The following GCN1 variants were observed in gnomAD, a reference collection of about 807,000 sequenced individuals.
GCN1 encodes the protein stalled ribosome sensor GCN1.
A neutral mutation model predicts 288.4 loss-of-function variants in GCN1; 90 were observed. The observed-to-expected ratio is 0.31, with a 90% CI of 0.26 to 0.37. The LOEUF (loss-of-function observed/expected upper bound fraction) is 0.37. GCN1 is among the 10% of genes least tolerant of loss of function. The probability of loss-of-function intolerance (pLI) is 1.00; values close to 1 mark genes in which losing one functional copy is unlikely to be tolerated. For missense variants in GCN1, 2,586 were observed against 3,419.9 expected, an observed-to-expected ratio of 0.76 and a Z score of 6.08; for synonymous variants, 1,386 against 1,420.2, an observed-to-expected ratio of 0.98 and a Z score of 0.54.
intron 57 of GCN1, 31 bp from the exon 58 acceptor site, chr12:120,128,005 A>AC: frequency 6.2e-7 from 1 of 1,611,550 alleles, no homozygotes; most frequent in Non-Finnish European, 8.5e-7. Context: ...GAGGAAACAT[A>AC]GTCAGAACAT....
chr12:120,194,609 G>C (rs1879111776), intron 1 of GCN1, 71 bp downstream of exon 1: 2 of 1,409,948 alleles, frequency 1.4e-6, no homozygotes, highest in Non-Finnish European at 1.9e-6. Context: ...AGGAGCGAGA[G>C]GGGCCCCGCC....
chr12:120,138,406 C>G lies in GCN1; in HGVS notation c.6166G>C (p.Glu2056Gln). Residue 2056 changes from glutamate (E) to glutamine (Q), a missense_variant, in exon 47 of 58, where the codon GAG becomes CAG. Around this residue, in one of 8 missense-constraint regions of GCN1, gnomAD observed 437 missense variants for 570.5 expected, o/e 0.77. Coordinates refer to ENST00000300648, the MANE Select transcript of GCN1 (RefSeq NM_006836.2). ...PFLLKQLDDE[E>Q]VSEFALDGLK... Reference sequence around the variant, plus strand: ...CCATCCAAGGCAAACTCTGACACCTCCTCGTCATCCTGCAGAGGGTGTTGG... The same window carrying G: ...CCATCCAAGGCAAACTCTGACACCTGCTCGTCATCCTGCAGAGGGTGTTGG... 1 of 1,601,124 alleles carries G rather than the reference C, an allele frequency of 6.2e-7. No individual in the cohort carries two copies. The highest frequency in any genetic ancestry group is 8.6e-7 in the Non-Finnish European group (1 of 1,168,112).
intron 11 of GCN1, 58 bp downstream of exon 11, chr12:120,175,688 G>A (rs1316956936): frequency 2.6e-6 from 4 of 1,552,444 alleles, no homozygotes; most frequent in Non-Finnish European, 3.5e-6. Flanking sequence ...GATCCCAGTT[G>A]AGGGAAATAC....
chr12:120,159,721 C>G (rs551363741), intron 24 of GCN1, 104 bp downstream of exon 24: 1 of 953,308 alleles, frequency 1.0e-6, no homozygotes, highest in African/African-American at 1.6e-5. Flanking sequence ...AACTCAGCAG[C>G]TGAGGTCACC....
intron 53 of GCN1, 137 bp from the exon 54 acceptor site, chr12:120,132,159 G>C: frequency 1.5e-6 from 1 of 646,830 alleles, no homozygotes; most frequent in South Asian, 1.7e-5. Context: ...TCAAGATCCA[G>C]TCCTTCCTGT....
At position 120,144,810 on chromosome 12, in the gene GCN1, C is replaced by G; in HGVS notation, c.5181G>C (p.Leu1727Phe). ...AQGLAEVMAG[L>F]GVEKLEKLMP... is the part of the protein sequence containing the mutation. ...TCAACTTCTCCAACTTCTCCACCCC[C>G]AAACCGGCCATGACCTCAGCCAACC... Residue 1727 changes from leucine to phenylalanine, a missense_variant, in exon 41 of 58, where the codon TTG (leucine) becomes TTC (phenylalanine). Coordinates refer to ENST00000300648, the MANE Select transcript of GCN1 (RefSeq NM_006836.2). The surrounding 1 kb of genome is among the most constrained non-coding windows in gnomAD (Gnocchi z 4.7). 2.5e-6 allele frequency: 4 copies of G among 1,614,204 alleles called. No individual in the cohort carries two copies. The highest frequency in any genetic ancestry group is 3.4e-6 in the Non-Finnish European group (4 of 1,180,030).
intron 33 of GCN1, among the ~76,000 whole-genome samples, chr12:120,152,754 A>C (rs1877608654): frequency 1.3e-5 from 2 of 151,504 alleles, no homozygotes; most frequent in Non-Finnish European, 2.9e-5. Flanking sequence ...TGTAGCTTAG[A>C]GGCTACATTA....
Position 120,137,275 on chromosome 12 carries a change from G to T in GCN1, c.6708C>A (p.His2236Gln). 6.2e-7 allele frequency: 1 copy of T among 1,614,138 alleles called. No homozygotes were observed. The highest frequency in any genetic ancestry group is 2.2e-5 in the East Asian group (1 of 44,870). ...CGTTCCCTATGAGCCGGATTTCCTT[G>T]TGCAGCTCTTCAATGAGTGCCAACT... ...GNQLALIEEL[H>Q]KEIRLIGNES... The change falls in exon 50 of 58, where the codon CAC becomes CAA. Residue 2236 changes from histidine (H) to glutamine (Q), a missense_variant. Coordinates refer to ENST00000300648, the MANE Select transcript of GCN1 (RefSeq NM_006836.2). The surrounding 1 kb of genome is among the most constrained non-coding windows in gnomAD (Gnocchi z 5.2).
chr12:120,189,204 C>T (rs1287211360), intron 2 of GCN1, among the ~76,000 whole-genome samples: 1 of 152,020 alleles, frequency 6.6e-6, no homozygotes, highest in African/African-American at 2.4e-5. Context: ...TCCTGAGTAG[C>T]TAGGATTACA....
intron 24 of GCN1, 83 bp downstream of exon 24, chr12:120,159,742 C>T (rs1470151914): frequency 2.4e-6 from 3 of 1,224,816 alleles, no homozygotes; most frequent in Middle Eastern, 2.4e-4. Flanking sequence ...ACCCACCTCC[C>T]CACAAGCACT....
intron 14 of GCN1, among the ~76,000 whole-genome samples, chr12:120,171,834 C>T (rs1224161322): frequency 6.6e-6 from 1 of 152,196 alleles, no homozygotes; most frequent in African/African-American, 2.4e-5. Context: ...GTCCCACCTA[C>T]AACTGATGGT....
At chr12:120,187,080 C>T (rs1442126286) in intron 2 of GCN1, among the ~76,000 whole-genome samples, 3 of 152,122 alleles carry the variant, frequency 2.0e-5, no homozygotes, top group African/African-American at 4.8e-5. Flanking sequence ...TCACAAATAG[C>T]AAGTTTACAA....
At position 120,131,115 on chromosome 12, in the gene GCN1, G is replaced by C. The variant is rs887834588; in HGVS notation, c.7563+70C>G. The stretch of plus-strand genomic sequence containing the variant: ...TTAAGCCCCAGTCTGGGGTCCACCC[G>C]CGCTGTGTCCACAAGGTGCTGCCTA... On this transcript the variant is annotated intron_variant, in intron 55 of 57. Coordinates refer to ENST00000300648, the MANE Select transcript of GCN1 (RefSeq NM_006836.2). 4.2e-6 allele frequency: 6 copies of C among 1,426,064 alleles called. No homozygotes were observed. In the East Asian group the frequency reaches 1.4e-4, roughly 33 times the overall value. 88.3% of individuals were successfully genotyped at this position (1,426,064 alleles called of 1,614,324 possible). A position where few individuals can be genotyped will look rare whatever the true frequency, so the allele number is the denominator to read the frequency against.
rs781350860 is a variant in GCN1, at chr12:120,138,093, C to A, written c.6250-49G>T. On this transcript the variant is annotated intron_variant, in intron 47 of 57. Transcript: ENST00000300648. ...TCAGTGAATACTGTGCCAGGTGCTG[C>A]GCTAGGCTCTGGGAACAGACGGGTG... 3 of 1,540,008 alleles carry A rather than the reference C, an allele frequency of 1.9e-6. No homozygotes were observed. In the East Asian group the frequency reaches 7.1e-5, roughly 36 times the overall value.
chr12:120,161,041 G>A (rs1169926824), intron 22 of GCN1, among the ~76,000 whole-genome samples: 1 of 152,132 alleles, frequency 6.6e-6, no homozygotes, highest in Non-Finnish European at 1.5e-5. Context: ...AAGAGCAAAC[G>A]CTGAGAAGGA....
intron 2 of GCN1, among the ~76,000 whole-genome samples, chr12:120,186,495 A>G (rs1204370142): frequency 1.3e-5 from 2 of 152,242 alleles, no homozygotes; most frequent in African/African-American, 2.4e-5. Flanking sequence ...TTTAACCTGC[A>G]GTGTAAGACA....
Position 120,156,450 on chromosome 12 carries a change from T to C in GCN1, c.3312+11A>G, listed in dbSNP as rs1380832177. The C allele has an allele frequency of 6.2e-7, 1 of 1,613,058 alleles. No homozygotes were observed. Among genetic ancestry groups the C allele is most frequent in the Admixed American group, 1.7e-5 (1 of 60,012 alleles). On this transcript the variant is annotated intron_variant, in intron 28 of 57. Coordinates refer to ENST00000300648, the MANE Select transcript of GCN1 (RefSeq NM_006836.2). This position sits in a 1 kb window ranked among gnomAD's most constrained non-coding sequence, Gnocchi z 5.8. ...AGGGACACTGCAGTGGCTCTGAGAC[T>C]GAGCACACACCCGGAGCACGGTTTC...
rs766791011 is a variant in GCN1, at chr12:120,173,603, C to G, written c.1366+50G>C. On this transcript the variant is annotated intron_variant, in intron 14 of 57. Transcript: ENST00000300648. ...GAACACTAACAATACCCTAAAGACT[C>G]AGTAACCTCTGCAAGGAGACCTGGA... is the stretch of plus-strand genomic sequence containing the variant. 4.6e-6 allele frequency: 5 copies of G among 1,081,312 alleles called. No individual in the cohort carries two copies. The South Asian group carries it at 6.6e-5, about 14-fold the overall frequency. The allele number at this position is 1,081,312 out of a possible 1,614,324, so 67.0% of individuals were successfully genotyped here.
chr12:120,173,463 G>GAAGCCAGAATTT, intron 14 of GCN1, among the ~76,000 whole-genome samples, 190 bp downstream of exon 14: 2 of 152,366 alleles, frequency 1.3e-5, no homozygotes, highest in East Asian at 3.9e-4. Flanking sequence ...ACAAGGGGGA[G>GAAGCCAGAATTT]AAGCCAGAAT....
Sources: gnomAD v4.1 joint callset for allele counts (sites outside exome capture counted in the v4.1 genomes callset) on GRCh38, gnomAD v4.1.1 for gene constraint, gnomAD v4.1.1 regional missense constraint, Gnocchi (gnomAD v3.1) non-coding constraint, MANE v1.5 for transcripts, NCBI Gene and HGNC (gene_info 2026-07-23, HGNC 2026-07-21) for gene names.